The following SYNE1 variants were observed in gnomAD, a reference collection of about 807,000 sequenced individuals.
SYNE1 encodes the protein nesprin-1.
A neutral mutation model predicts 1,111.0 loss-of-function variants in SYNE1; 616 were observed. The ratio of observed to expected loss-of-function variants is 0.55; its 90% confidence interval spans 0.52 to 0.59. The LOEUF (loss-of-function observed/expected upper bound fraction) is 0.59. SYNE1 is among the 20% of genes least tolerant of loss of function. The pLI, the probability that SYNE1 is intolerant of heterozygous loss-of-function variation, is 0.00. For missense variants in SYNE1, 10,006 were observed against 10,417.0 expected (o/e 0.96, Z 1.72); for synonymous variants, 3,855 against 3,825.8 (o/e 1.01, Z -0.28).
intron 87 of SYNE1, 159 bp from the exon 88 acceptor site, chr6:152,311,032 C>T: frequency 2.9e-6 from 2 of 698,094 alleles, no homozygotes; most frequent in Non-Finnish European, 5.0e-6. Context: ...TAGCCACTTA[C>T]TATTATAACT....
rs532737201 is a variant in SYNE1 at position 152,573,330 on chromosome 6, C to T, written c.68-33309G>A. On this transcript the variant is annotated intron_variant, in intron 3 of 145. Coordinates refer to ENST00000367255, the MANE Select transcript of SYNE1 (RefSeq NM_182961.4). ...TATATCTCCTAATGCTATCCCCCCC[C>T]CTCCCCCCACCCCACAACAGGCCCT... 6.2e-5 allele frequency among the ~76,000 whole-genome samples: 8 copies of T among 128,422 alleles called. No individual in the cohort carries two copies. In the South Asian group the frequency reaches 2.2e-3, roughly 36 times the overall value. The allele number at this position is 128,422 out of a possible 152,430, so 84.2% of individuals were successfully genotyped here. A position where few individuals can be genotyped will look rare whatever the true frequency, so the allele number is the denominator to read the frequency against.
chr6:152,200,670 C>T (rs2813540), intron 127 of SYNE1, among the ~76,000 whole-genome samples: 20,842 of 152,200 alleles, frequency 0.14, 1,606 homozygotes, highest in Middle Eastern at 0.26. Context: ...GCTGGGATTA[C>T]AGGCATGATC....
At chr6:152,565,614 AACTTT>A (rs977166603) in intron 3 of SYNE1, among the ~76,000 whole-genome samples, 15 of 152,204 alleles carry the variant, frequency 9.9e-5, no homozygotes, top group African/African-American at 3.4e-4. Context: ...AAGGTTGCTA[AACTTT>A]ACTTCGCTTT....
chr6:152,157,781 T>C (rs2061663938), intron 131 of SYNE1, among the ~76,000 whole-genome samples: 1 of 150,700 alleles, frequency 6.6e-6, no homozygotes, highest in Non-Finnish European at 1.5e-5. Flanking sequence ...TTTTTTTAGA[T>C]GGAGTCTCAC....
chr6:152,312,994 C>A (rs985116904), intron 87 of SYNE1, among the ~76,000 whole-genome samples: 1 of 152,150 alleles, frequency 6.6e-6, no homozygotes, highest in Admixed American at 6.6e-5. Context: ...AGAACGGCTA[C>A]TCCATTGACA....
chr6:152,145,299 C>T (rs1225538673), intron 137 of SYNE1: 5 of 656,928 alleles, frequency 7.6e-6, no homozygotes, highest in South Asian at 1.7e-5. Context: ...TTATTTCGCT[C>T]AATTAGTGAA....
chr6:152,140,282 G>A (rs2058248285), intron 139 of SYNE1, 121 bp from the exon 140 acceptor site: 1 of 946,866 alleles, frequency 1.1e-6, no homozygotes, highest in Non-Finnish European at 1.7e-6. Flanking sequence ...TAATTCCACT[G>A]GGCATTTTCG....
chr6:152,515,523 T>G (rs2154342954), intron 6 of SYNE1, among the ~76,000 whole-genome samples: 1 of 152,346 alleles, frequency 6.6e-6, no homozygotes, highest in East Asian at 1.9e-4. Context: ...CTTTGTAAAT[T>G]AGAAAACCAG....
At chr6:152,331,939 C>T (rs367970574) in intron 77 of SYNE1, 49 bp from the exon 78 acceptor site, 157 of 1,601,268 alleles carry the variant, frequency 9.8e-5, no homozygotes, top group Non-Finnish European at 1.1e-4. Flanking sequence ...TAGTCAATAT[C>T]GATGTTTGTT....
chr6:152,434,207 C>T (rs2098453690), intron 33 of SYNE1: 1 of 455,368 alleles, frequency 2.2e-6, no homozygotes, highest in Non-Finnish European at 3.9e-6. Flanking sequence ...ATTGCTGGGT[C>T]CAAAGGGGTT....
intron 3 of SYNE1, among the ~76,000 whole-genome samples, chr6:152,605,035 AGGGAGG>A (rs1380593460): frequency 2.2e-3 from 61 of 28,108 alleles, no homozygotes; most frequent in South Asian, 5.0e-3. Context: ...AGAGAGAGAG[AGGGAGG>A]GAGGGAGGGA....
At chr6:152,193,780 G>A (rs1222110755) in intron 127 of SYNE1, among the ~76,000 whole-genome samples, 1 of 152,054 alleles carries the variant, frequency 6.6e-6, no homozygotes, top group Admixed American at 6.5e-5. Flanking sequence ...AGGGGGCCAA[G>A]GTGGGCAGAT....
chr6:152,422,873 G>A (rs577768334), intron 39 of SYNE1, among the ~76,000 whole-genome samples: 3 of 152,260 alleles, frequency 2.0e-5, no homozygotes, highest in South Asian at 2.1e-4. Context: ...ACATTAATAC[G>A]TGAAATGTTT....
chr6:152,395,789 T>C, intron 50 of SYNE1, 118 bp from the exon 51 acceptor site: 1 of 1,075,322 alleles, frequency 9.3e-7, no homozygotes, highest in South Asian at 1.4e-5. Flanking sequence ...AATGTTCAAG[T>C]GACAAAAACA....
chr6:152,453,954 TG>T (rs1223682062), intron 24 of SYNE1, among the ~76,000 whole-genome samples: 1 of 152,230 alleles, frequency 6.6e-6, no homozygotes, highest in Admixed American at 6.5e-5. Flanking sequence ...AAAAATTCTT[TG>T]TGATTTTCAA....
rs368364250 is a variant in SYNE1 at position 152,425,398 on chromosome 6, T to C, written c.5250A>G (p.Pro1750=). Residue 1750 remains proline (P), a synonymous_variant, in exon 39 of 146, where the codon CCA becomes CCG. Coordinates refer to ENST00000367255, the MANE Select transcript of SYNE1 (RefSeq NM_182961.4). The part of the protein sequence containing the change: ...EQLDERWRDL[P]QIINKRINFL... The stretch of plus-strand genomic sequence containing the variant: ...GAACCAACCTTTTGTTAATGATCTG[T>C]GGTAAATCTCTCCATCTCTCATCCA... 63 of 1,614,188 alleles carry C rather than the reference T, an allele frequency of 3.9e-5. No homozygotes were observed. The highest frequency in any genetic ancestry group is 4.2e-5 in the Non-Finnish European group (50 of 1,179,998).
chr6:152,631,208 T>C (rs1473133993), intron 2 of SYNE1, among the ~76,000 whole-genome samples: 1 of 152,208 alleles, frequency 6.6e-6, no homozygotes, highest in African/African-American at 2.4e-5. Flanking sequence ...GAGCAGACAC[T>C]TGAGCTGAGT....
chr6:152,269,150 T>A lies in SYNE1; in HGVS notation c.18705+5A>T. On this transcript the variant is annotated splice_donor_5th_base_variant and intron_variant, in intron 99 of 145. Coordinates refer to ENST00000367255, the MANE Select transcript of SYNE1 (RefSeq NM_182961.4). ...CAAGCTAGAGAGAGGTAGGAAACACTTTACTTTTTGTTGCTGGAGACTGCT... is the reference window on the plus strand; with the variant it reads ...CAAGCTAGAGAGAGGTAGGAAACACATTACTTTTTGTTGCTGGAGACTGCT... 6.2e-7 allele frequency: 1 copy of A among 1,614,186 alleles called. No homozygotes were observed. The highest frequency in any genetic ancestry group is 8.5e-7 in the Non-Finnish European group (1 of 1,180,028).
At chr6:152,527,090 C>T (rs995258453) in intron 4 of SYNE1, among the ~76,000 whole-genome samples, 3 of 152,156 alleles carry the variant, frequency 2.0e-5, no homozygotes, top group African/African-American at 7.2e-5. Flanking sequence ...AACTTTATAG[C>T]TTTCTGATTC....
Sources: allele counts gnomAD v4.1 joint callset (sites outside exome capture counted in the v4.1 genomes callset), GRCh38; gene constraint gnomAD v4.1.1; transcripts MANE v1.5; gene names NCBI Gene and HGNC (gene_info 2026-07-23, HGNC 2026-07-21).